The following ZSWIM8 variants were observed in gnomAD, a reference collection of about 807,000 sequenced individuals.
ZSWIM8 encodes the protein zinc finger SWIM domain-containing protein 8.
ZSWIM8 carries 27 observed loss-of-function variants against 173.7 expected under a neutral mutation model. The observed-to-expected ratio is 0.16, with a 90% CI of 0.11 to 0.21. The LOEUF is 0.21. Ranked by LOEUF, ZSWIM8 falls within the 10% of genes least tolerant of loss-of-function variation. ZSWIM8 has a pLI of 1.00. For synonymous variants in ZSWIM8, 958 were observed against 962.0 expected, an observed-to-expected ratio of 1.00 and a Z score of 0.08; for missense variants, 1,627 against 2,428.8, an observed-to-expected ratio of 0.67 and a Z score of 6.94.
At chr10:73,786,327 GGTGT>G (rs575266137) in intron 1 of ZSWIM8, 141 of 417,504 alleles carry the variant, frequency 3.4e-4, no homozygotes, top group Non-Finnish European at 4.1e-4. Context: ...TGTGTGTGTG[GGTGT>G]GTGTGTGTGT....
rs375040107 is a variant in ZSWIM8, at chr10:73,800,790, C to T, written c.5122+31C>T. 1.1e-4 allele frequency: 157 copies of T among 1,488,272 alleles called. 1 individual carries two copies. The highest frequency in any genetic ancestry group is 1.3e-4 in the Non-Finnish European group (141 of 1,092,476). The allele number at this position is 1,488,272 out of a possible 1,614,324, so 92.2% of individuals were successfully genotyped here. On this transcript the variant is annotated intron_variant, in intron 24 of 25. Transcript: ENST00000604729. This position sits in a 1 kb window ranked among gnomAD's most constrained non-coding sequence, Gnocchi z 4.1. ...ACCTCCCCTCCCTAGGACCATTGCC[C>T]CCCCCCCACCTGCTCTCCCCACCTT...
chr10:73,787,139 T>G (rs966324608), intron 1 of ZSWIM8, among the ~76,000 whole-genome samples: 1 of 152,132 alleles, frequency 6.6e-6, no homozygotes, highest in African/African-American at 2.4e-5. Context: ...AGACCGGGTT[T>G]CTCCATGTTG....
rs185143919 is a variant in ZSWIM8, at chr10:73,801,228, C to T, written c.5301+33C>T. ...CCTAGAATTATGGAGCAGGGTGGAGCACTTCCTGGGTGGTCTTGGACCAGA... is the reference window on the plus strand; with the variant it reads ...CCTAGAATTATGGAGCAGGGTGGAGTACTTCCTGGGTGGTCTTGGACCAGA... On this transcript the variant is annotated intron_variant, in intron 25 of 25. Transcript: ENST00000604729. The surrounding 1 kb of genome is among the most constrained non-coding windows in gnomAD (Gnocchi z 4.9). 39 of 1,601,094 alleles carry T rather than the reference C, an allele frequency of 2.4e-5. No individual in the cohort carries two copies. The highest frequency in any genetic ancestry group is 3.2e-5 in the Non-Finnish European group (37 of 1,172,420).
chr10:73,795,093 A>G, intron 14 of ZSWIM8: 1 of 171,944 alleles, frequency 5.8e-6, no homozygotes, highest in Non-Finnish European at 1.2e-5. Flanking sequence ...AACAGAGTGA[A>G]ACCTTGTCTC....
Position 73,799,380 on chromosome 10 carries a change from C to A in ZSWIM8, c.4555C>A (p.His1519Asn), listed in dbSNP as rs1435907913. The A allele has an allele frequency of 6.2e-6, 10 of 1,612,016 alleles. No individual in the cohort carries two copies. The highest frequency in any genetic ancestry group is 2.7e-5 in the African/African-American group (2 of 74,856). The change falls in exon 21 of 26, where the codon CAC (histidine) becomes AAC (asparagine). Residue 1519 changes from histidine to asparagine, a missense_variant. Transcript: ENST00000604729. ...GCACCCCTACACTGCTCTACAGCCC[C>A]ACCTGCCCTGTAGCCCTCAGTATCT... ...GLHPYTALQP[H>N]LPCSPQYLTH... is the part of the protein sequence containing the mutation.
rs1276128851 is a variant in ZSWIM8, at chr10:73,794,554, A to G, written c.2823A>G (p.Thr941=). ...ACTTTTATACAGTGGTTTCTCCCAC[A>G]GGTTCCCGGCCCCCAAGTCGCAACT... is the stretch of plus-strand genomic sequence containing the variant. ...DVLCAPVVSP[T]GSRPPSRNWN... is the part of the protein sequence containing the mutation. The change falls in exon 14 of 26, where the codon ACA becomes ACG. Residue 941 remains threonine (T), a synonymous_variant. Coordinates refer to ENST00000604729, the MANE Select transcript of ZSWIM8 (RefSeq NM_001367799.1). The G allele has an allele frequency of 4.5e-6, 7 of 1,561,680 alleles. No homozygotes were observed. The African/African-American group carries it at 5.4e-5, about 12-fold the overall frequency.
In ZSWIM8 at chr10:73,791,617, G is replaced by A; in HGVS notation, c.1319+118G>A. 2 of 1,261,202 alleles carry A rather than the reference G, an allele frequency of 1.6e-6. No homozygotes were observed. Among genetic ancestry groups the A allele is most frequent in the Non-Finnish European group, 2.1e-6 (2 of 938,234 alleles). 78.1% of individuals were successfully genotyped at this position (1,261,202 alleles called of 1,614,324 possible). On this transcript the variant is annotated intron_variant, in intron 9 of 25. Transcript: ENST00000604729. This position sits in a 1 kb window ranked among gnomAD's most constrained non-coding sequence, Gnocchi z 6.0. ...GATTTTAGTCCTCGGGAAACGGGAG[G>A]TGCTGAGCACTGGTGTTAGCAGTGA...
rs761307436 is a variant in ZSWIM8 at position 73,800,336 on chromosome 10, A to G, written c.4866A>G (p.Gln1622=). The change falls in exon 23 of 26, where the codon CAA becomes CAG. Residue 1622 remains glutamine (Q), a synonymous_variant. Coordinates refer to ENST00000604729, the MANE Select transcript of ZSWIM8 (RefSeq NM_001367799.1). This position sits in a 1 kb window ranked among gnomAD's most constrained non-coding sequence, Gnocchi z 4.1. ...VHPASTFPAI[Q]GASLPALTTQ... ...CAGCATCCACGTTTCCAGCCATCCAAGGTGCCTCACTGCCTGCCCTGACCA... is the reference window on the plus strand; with the variant it reads ...CAGCATCCACGTTTCCAGCCATCCAGGGTGCCTCACTGCCTGCCCTGACCA... 1.9e-6 allele frequency: 3 copies of G among 1,613,758 alleles called. No individual in the cohort carries two copies. The highest frequency in any genetic ancestry group is 2.7e-5 in the African/African-American group (2 of 74,874).
rs1488641829 is a variant in ZSWIM8, at chr10:73,792,944, C to T, written c.2313+92C>T. 3 of 1,445,010 alleles carry T rather than the reference C, an allele frequency of 2.1e-6. No homozygotes were observed. The highest frequency in any genetic ancestry group is 1.4e-5 in the African/African-American group (1 of 70,550). 89.5% of individuals were successfully genotyped at this position (1,445,010 alleles called of 1,614,324 possible). ...TAGTTGGGAGTGTCAGGACCATCAG[C>T]AGGATTGTGAGAACCCTGTTGCAGG... is the stretch of plus-strand genomic sequence containing the variant. On this transcript the variant is annotated intron_variant, in intron 10 of 25. Coordinates refer to ENST00000604729, the MANE Select transcript of ZSWIM8 (RefSeq NM_001367799.1). This position sits in a 1 kb window ranked among gnomAD's most constrained non-coding sequence, Gnocchi z 4.3.
chr10:73,792,619 G>T lies in ZSWIM8; in HGVS notation c.2080G>T (p.Gly694Trp). Residue 694 changes from glycine to tryptophan, a missense_variant, in exon 10 of 26, where the codon GGG (glycine) becomes TGG (tryptophan). Coordinates refer to ENST00000604729, the MANE Select transcript of ZSWIM8 (RefSeq NM_001367799.1). The surrounding 1 kb of genome is among the most constrained non-coding windows in gnomAD (Gnocchi z 4.3). The part of the protein sequence containing the change: ...ASVGPPGLLP[G>W]DVCTQDDLPS... ...TGTTGGCCCCCCTGGCCTACTGCCT[G>T]GGGATGTCTGTACCCAGGACGACCT... is the stretch of plus-strand genomic sequence containing the variant. The T allele has an allele frequency of 6.2e-7, 1 of 1,613,996 alleles. No individual in the cohort carries two copies.
chr10:73,792,130 C>T lies in ZSWIM8; in HGVS notation c.1591C>T (p.Pro531Ser). The T allele has an allele frequency of 6.5e-7, 1 of 1,531,020 alleles. No homozygotes were observed. Among genetic ancestry groups the T allele is most frequent in the Non-Finnish European group, 8.8e-7 (1 of 1,138,344 alleles). 94.8% of individuals were successfully genotyped at this position (1,531,020 alleles called of 1,614,324 possible). Residue 531 changes from proline to serine, a missense_variant, in exon 10 of 26, where the codon CCC becomes TCC. Physicochemically the swap from Pro to Ser is moderately conservative, Grantham distance 74. This residue lies in a region of ZSWIM8 where 383 missense variants were observed against 394.8 expected (regional missense o/e 0.97). Coordinates refer to ENST00000604729, the MANE Select transcript of ZSWIM8 (RefSeq NM_001367799.1). The surrounding 1 kb of genome is among the most constrained non-coding windows in gnomAD (Gnocchi z 4.3). ...GGGCCTGGAGGAATCCCGGGACCGG[C>T]CCCGACCCCTTCCTACTGAGCCAGC... ...SGGLEESRDRPRPLPTEPAVR... is the reference protein window; with the variant it reads ...SGGLEESRDRSRPLPTEPAVR...
Position 73,791,629 on chromosome 10 carries a change from G to T in ZSWIM8, c.1319+130G>T, listed in dbSNP as rs984297591. 1 of 1,181,774 alleles carries T rather than the reference G, an allele frequency of 8.5e-7. No individual in the cohort carries two copies. The highest frequency in any genetic ancestry group is 2.9e-5 in the Admixed American group (1 of 33,934). The allele number at this position is 1,181,774 out of a possible 1,614,324, so 73.2% of individuals were successfully genotyped here. A position where few individuals can be genotyped will look rare whatever the true frequency, so the allele number is the denominator to read the frequency against. Reference sequence around the variant, plus strand: ...CGGGAAACGGGAGGTGCTGAGCACTGGTGTTAGCAGTGATTTACGAGTCCT... The same window carrying T: ...CGGGAAACGGGAGGTGCTGAGCACTTGTGTTAGCAGTGATTTACGAGTCCT... On this transcript the variant is annotated intron_variant, in intron 9 of 25. Transcript: ENST00000604729. This position sits in a 1 kb window ranked among gnomAD's most constrained non-coding sequence, Gnocchi z 6.0.
chr10:73,791,640 T>C lies in ZSWIM8; in HGVS notation c.1319+141T>C. 8.5e-7 allele frequency: 1 copy of C among 1,170,066 alleles called. No individual in the cohort carries two copies. The highest frequency in any genetic ancestry group is 1.7e-5 in the South Asian group (1 of 58,938). The allele number at this position is 1,170,066 out of a possible 1,614,324, so 72.5% of individuals were successfully genotyped here. ...AGGTGCTGAGCACTGGTGTTAGCAG[T>C]GATTTACGAGTCCTTTTTCTGAGAG... On this transcript the variant is annotated intron_variant, in intron 9 of 25. Transcript: ENST00000604729. The surrounding 1 kb of genome is among the most constrained non-coding windows in gnomAD (Gnocchi z 6.0).
At position 73,792,379 on chromosome 10, in the gene ZSWIM8, C is replaced by G; in HGVS notation, c.1840C>G (p.Leu614Val). 6.2e-7 allele frequency: 1 copy of G among 1,607,698 alleles called. No individual in the cohort carries two copies. Among genetic ancestry groups the G allele is most frequent in the Non-Finnish European group, 8.5e-7 (1 of 1,177,152 alleles). Reference protein sequence around the residue: ...KRRLSSEDSSLEPDLAEMSLD... With the variant: ...KRRLSSEDSSVEPDLAEMSLD... ...ACGGCTGAGCAGCGAAGACAGCTCC[C>G]TGGAGCCAGACCTGGCCGAGATGAG... is the stretch of plus-strand genomic sequence containing the variant. Residue 614 changes from leucine (L) to valine (V), a missense_variant, in exon 10 of 26, where the codon CTG (leucine) becomes GTG (valine). By Grantham distance (32) the Leu-to-Val change is conservative (BLOSUM62 1). Around this residue, in one of 18 missense-constraint regions of ZSWIM8, gnomAD observed 383 missense variants for 394.8 expected, o/e 0.97. Coordinates refer to ENST00000604729, the MANE Select transcript of ZSWIM8 (RefSeq NM_001367799.1). The surrounding 1 kb of genome is among the most constrained non-coding windows in gnomAD (Gnocchi z 4.3).
Position 73,797,167 on chromosome 10 carries a change from C to G in ZSWIM8, c.3329C>G (p.Pro1110Arg). The G allele has an allele frequency of 6.2e-7, 1 of 1,613,878 alleles. No individual in the cohort carries two copies. Among genetic ancestry groups the G allele is most frequent in the Non-Finnish European group, 8.5e-7 (1 of 1,179,842 alleles). ...CTTCCATCTGAGGCAGCTTTGACCC[C>G]AAGGCCAGAAGGGAAGGTTCCTAGC... is the stretch of plus-strand genomic sequence containing the variant. ...EGLPSEAALT[P>R]RPEGKVPSRL... Residue 1110 changes from proline to arginine, a missense_variant, in exon 17 of 26, where the codon CCA (proline) becomes CGA (arginine). Pro to Arg is a moderately radical substitution (Grantham distance 103). Around this residue, in one of 18 missense-constraint regions of ZSWIM8, gnomAD observed 163 missense variants for 193.2 expected, o/e 0.84. Transcript: ENST00000604729. The surrounding 1 kb of genome is among the most constrained non-coding windows in gnomAD (Gnocchi z 5.6).
In ZSWIM8 at chr10:73,799,251, GCAGCGGCAGCAGTGA is replaced by G; in HGVS notation, c.4431_4445del (p.Val1480_Ala1484del). Reference sequence around the variant, plus strand: ...CCCAGGGACTGAGCCGGTTACAGTGGCAGCGGCAGCAGTGACAGCAGCAGCCACAGTGGTGCCCGT... The same window carrying G: ...CCCAGGGACTGAGCCGGTTACAGTGGCAGCAGCAGCCACAGTGGTGCCCGT... On this transcript the variant is annotated inframe_deletion, in exon 21 of 26. Coordinates refer to ENST00000604729, the MANE Select transcript of ZSWIM8 (RefSeq NM_001367799.1). 6.3e-7 allele frequency: 1 copy of G among 1,599,192 alleles called. No homozygotes were observed. Among genetic ancestry groups the G allele is most frequent in the South Asian group, 1.1e-5 (1 of 89,392 alleles).
chr10:73,800,244 CT>C lies in ZSWIM8; in HGVS notation c.4826-49del. The C allele has an allele frequency of 1.2e-6, 2 of 1,610,954 alleles. No individual in the cohort carries two copies. The highest frequency in any genetic ancestry group is 1.7e-6 in the Non-Finnish European group (2 of 1,177,810). On this transcript the variant is annotated intron_variant, in intron 22 of 25. Transcript: ENST00000604729. The surrounding 1 kb of genome is among the most constrained non-coding windows in gnomAD (Gnocchi z 4.1). ...GCAGGGGAGGTGGGGAGGGAATGTTCTTTGTCTCTCTTTGGGCTCTGAGTTC... is the reference window on the plus strand; with the variant it reads ...GCAGGGGAGGTGGGGAGGGAATGTTCTTGTCTCTCTTTGGGCTCTGAGTTC...
At chr10:73,786,549 C>T (rs1420731781) in intron 1 of ZSWIM8, 1 of 156,588 alleles carries the variant, frequency 6.4e-6, no homozygotes, top group Non-Finnish European at 1.4e-5. Context: ...GAAGTGACCA[C>T]TTGTGGCTTG....
At chr10:73,790,939 T>C in intron 7 of ZSWIM8, 36 bp from the exon 8 acceptor site, 1 of 1,581,288 alleles carries the variant, frequency 6.3e-7, no homozygotes, top group Non-Finnish European at 8.6e-7. Context: ...CAGCCCCGTC[T>C]TACTGTCATG....
Sources: gnomAD v4.1 joint callset for allele counts (sites outside exome capture counted in the v4.1 genomes callset) on GRCh38, gnomAD v4.1.1 for gene constraint, gnomAD v4.1.1 regional missense constraint, Gnocchi (gnomAD v3.1) non-coding constraint, MANE v1.5 for transcripts, NCBI Gene and HGNC (gene_info 2026-07-23, HGNC 2026-07-21) for gene names.